The following SNX29 variants were observed in gnomAD, a reference collection of about 807,000 sequenced individuals.
The protein encoded by SNX29 is sorting nexin 29.
A neutral mutation model predicts 102.1 loss-of-function variants in SNX29; 78 were observed. That is an observed-to-expected ratio of 0.76 (90% CI 0.64 to 0.92). The LOEUF is 0.92. SNX29 is among the 40% of genes least tolerant of loss of function. The pLI is 0.00. For synonymous variants in SNX29, 580 were observed against 414.5 expected, an observed-to-expected ratio of 1.40 and a Z score of -4.85; for missense variants, 1,280 against 1,061.7, an observed-to-expected ratio of 1.21 and a Z score of -2.86.
At chr16:12,027,742 G>T in intron 4 of SNX29, 1 of 203,388 alleles carries the variant, frequency 4.9e-6, no homozygotes, top group Non-Finnish European at 1.0e-5. Context: ...CCAGTTGCTG[G>T]GAAATTAATA....
intron 19 of SNX29, among the ~76,000 whole-genome samples, chr16:12,506,312 A>G (rs1406315571): frequency 6.6e-6 from 1 of 151,820 alleles, no homozygotes; most frequent in Non-Finnish European, 1.5e-5. Flanking sequence ...CAACACCCTA[A>G]AAAAAAAGCT....
At chr16:12,226,042 C>T (rs2077602556) in intron 14 of SNX29, among the ~76,000 whole-genome samples, 1 of 152,232 alleles carries the variant, frequency 6.6e-6, no homozygotes, top group African/African-American at 2.4e-5. Context: ...AAACCCCTCG[C>T]ATACAAATGA....
intron 11 of SNX29, chr16:12,087,788 TGG>T (rs1291593379): frequency 2.9e-5 from 13 of 451,170 alleles, no homozygotes; most frequent in Non-Finnish European, 5.8e-5. Context: ...GCCAAACTTC[TGG>T]GGCTGCAGCT....
chr16:12,361,827 A>T (rs1363941679), intron 16 of SNX29, among the ~76,000 whole-genome samples: 4 of 152,190 alleles, frequency 2.6e-5, no homozygotes, highest in Non-Finnish European at 5.9e-5. Flanking sequence ...AGTAGTAAAA[A>T]AGGGTGAAAT....
chr16:12,526,752 C>T (rs575084550), intron 20 of SNX29: 10 of 438,020 alleles, frequency 2.3e-5, no homozygotes, highest in South Asian at 1.2e-4. Flanking sequence ...GAGCAGGAGG[C>T]GCTGCCCCAT....
chr16:12,391,361 T>C (rs1361617220), intron 16 of SNX29, among the ~76,000 whole-genome samples: 1 of 152,238 alleles, frequency 6.6e-6, no homozygotes, highest in Non-Finnish European at 1.5e-5. Context: ...CCTTTTCTCC[T>C]ACATTTTTAA....
chr16:12,561,310 C>T (rs953281853), intron 20 of SNX29, among the ~76,000 whole-genome samples: 2 of 152,148 alleles, frequency 1.3e-5, no homozygotes, highest in Non-Finnish European at 2.9e-5. Flanking sequence ...TCTTCACATC[C>T]TGGAGGCAGA....
chr16:12,521,802 C>CT (rs2090111675), intron 19 of SNX29, among the ~76,000 whole-genome samples: 1 of 152,228 alleles, frequency 6.6e-6, no homozygotes, highest in Admixed American at 6.5e-5. Context: ...AGCATTCAGA[C>CT]TGGGTGAGCA....
intron 14 of SNX29, among the ~76,000 whole-genome samples, chr16:12,209,984 G>C (rs902985679): frequency 3.9e-5 from 6 of 152,084 alleles, no homozygotes; most frequent in African/African-American, 1.4e-4. Flanking sequence ...TCCTGGTTCA[G>C]TTTCTGTCTG....
At chr16:12,268,287 C>T (rs1230525070) in intron 14 of SNX29, among the ~76,000 whole-genome samples, 1 of 152,280 alleles carries the variant, frequency 6.6e-6, no homozygotes, top group Admixed American at 6.5e-5. Flanking sequence ...TTGATACATC[C>T]CTGTATCTCT....
At chr16:12,137,776 G>T (rs994974346) in intron 13 of SNX29, among the ~76,000 whole-genome samples, 2 of 152,200 alleles carry the variant, frequency 1.3e-5, no homozygotes, top group Non-Finnish European at 2.9e-5. Context: ...GTCAAATGGT[G>T]GGAATTGAGA....
chr16:12,002,919 T>C, intron 2 of SNX29, 72 bp from the exon 3 acceptor site: 1 of 1,577,578 alleles, frequency 6.3e-7, no homozygotes, highest in Non-Finnish European at 8.7e-7. Context: ...TTAAGCCCTG[T>C]GTAGGCTGTT....
rs574156857 is a variant in SNX29 at position 12,480,030 on chromosome 16, G to T, written c.2178+2171G>T. 9.2e-5 allele frequency among the ~76,000 whole-genome samples: 14 copies of T among 152,292 alleles called. No individual in the cohort carries two copies. The South Asian group carries it at 2.3e-3, about 25-fold the overall frequency. On this transcript the variant is annotated intron_variant, in intron 19 of 20. Coordinates refer to ENST00000566228, the MANE Select transcript of SNX29 (RefSeq NM_032167.5). ...GTGTTATGAAATGAACTTTACCATG[G>T]ACAAATGGATACAAACAAGAGTTCA...
At chr16:12,307,568 G>GTC (rs1236520087) in intron 15 of SNX29, among the ~76,000 whole-genome samples, 1 of 152,214 alleles carries the variant, frequency 6.6e-6, no homozygotes, top group Non-Finnish European at 1.5e-5. Context: ...CTTAATAGGT[G>GTC]TCAAACATTT....
At chr16:12,091,155 C>T (rs909655880) in intron 11 of SNX29, among the ~76,000 whole-genome samples, 2 of 151,896 alleles carry the variant, frequency 1.3e-5, no homozygotes, top group Non-Finnish European at 2.9e-5. Flanking sequence ...TCATAGCATC[C>T]GTGTAAAATA....
intron 16 of SNX29, among the ~76,000 whole-genome samples, chr16:12,380,195 C>T (rs2083021692): frequency 7.4e-6 from 1 of 135,268 alleles, no homozygotes; most frequent in African/African-American, 3.8e-5. Flanking sequence ...GTCTCGGTTC[C>T]AGGGGTTCAG....
At chr16:12,287,719 T>A (rs146369114) in intron 15 of SNX29, among the ~76,000 whole-genome samples, 55 of 152,316 alleles carry the variant, frequency 3.6e-4, no homozygotes, top group African/African-American at 1.3e-3. Flanking sequence ...TTTAAACAGG[T>A]GTTTGAATCA....
chr16:12,566,385 G>A (rs1239557734), intron 20 of SNX29, among the ~76,000 whole-genome samples: 1 of 149,700 alleles, frequency 6.7e-6, no homozygotes, highest in Non-Finnish European at 1.5e-5. Context: ...CAAGGCACTG[G>A]CCTCTCCCAG....
intron 18 of SNX29, among the ~76,000 whole-genome samples, chr16:12,417,496 C>G (rs898106884): frequency 3.3e-5 from 5 of 152,122 alleles, no homozygotes; most frequent in Non-Finnish European, 5.9e-5. Context: ...CCTTTCCTTC[C>G]TTCTCTTTGC....
Sources: gnomAD v4.1 joint callset for allele counts (sites outside exome capture counted in the v4.1 genomes callset) on GRCh38, gnomAD v4.1.1 for gene constraint, MANE v1.5 for transcripts, NCBI Gene and HGNC (gene_info 2026-07-23, HGNC 2026-07-21) for gene names.